Variants in SMIM3 observed in about 807,000 individuals in gnomAD.
SMIM3 encodes the protein small integral membrane protein 3.
SMIM3 carries 4 observed loss-of-function variants against 2.1 expected under a neutral mutation model. The ratio of observed to expected loss-of-function variants is 1.89; its 90% CI spans 0.93 to 4.31. The LOEUF (loss-of-function observed/expected upper bound fraction) is 4.31, where lower values mean the gene tolerates loss of function less well. Ranked by LOEUF, SMIM3 falls within the 30% of genes most tolerant of loss-of-function variation. SMIM3 has a pLI of 0.01. For synonymous variants in SMIM3, 29 were observed against 30.8 expected, an observed-to-expected ratio of 0.94 and a Z score of 0.19; for missense variants, 79 against 77.7, an observed-to-expected ratio of 1.02 and a Z score of -0.06.
intron 1 of SMIM3, among the ~76,000 whole-genome samples, chr5:150,782,874 T>G (rs1249453235): frequency 6.6e-6 from 1 of 152,296 alleles, no homozygotes; most frequent in African/African-American, 2.4e-5. Context: ...CTGTGATAGG[T>G]GCTGAGGACA....
Position 150,795,528 on chromosome 5 carries a change from A to G in SMIM3, c.88A>G (p.Thr30Ala). 1 of 1,612,462 alleles carries G rather than the reference A, an allele frequency of 6.2e-7. No homozygotes were observed. Among genetic ancestry groups the G allele is most frequent in the Non-Finnish European group, 8.5e-7 (1 of 1,179,762 alleles). Residue 30 changes from threonine to alanine, a missense_variant, in exon 2 of 2, where the codon ACC (threonine) becomes GCC (alanine). Transcript: ENST00000526627. ...GGTTATTGTCCTCATCATCCTGGCCACCATTGTCATCATGACCTCGTTGTT... is the reference window on the plus strand; with the variant it reads ...GGTTATTGTCCTCATCATCCTGGCCGCCATTGTCATCATGACCTCGTTGTT... ...IWVIVLIILA[T>A]IVIMTSLLLC...
At chr5:150,783,773 T>C (rs1366225296) in intron 1 of SMIM3, among the ~76,000 whole-genome samples, 5 of 152,098 alleles carry the variant, frequency 3.3e-5, no homozygotes, top group Non-Finnish European at 7.4e-5. Flanking sequence ...AGGGTGTAAG[T>C]TTCCGGTGGG....
intron 1 of SMIM3, among the ~76,000 whole-genome samples, chr5:150,793,029 C>T (rs561199846): frequency 1.7e-4 from 25 of 145,268 alleles, no homozygotes; most frequent in East Asian, 3.0e-4. Context: ...TTTCAATTTG[C>T]GTGTATTTTT....
rs757018297 is a variant in SMIM3 at position 150,795,440 on chromosome 5, C to T, written c.-1C>T. On this transcript the variant is annotated 5_prime_UTR_variant, in exon 2 of 2. Coordinates refer to ENST00000526627, the MANE Select transcript of SMIM3 (RefSeq NM_032947.5). The stretch of plus-strand genomic sequence containing the variant: ...TCTTGTCTGTTGCAGAGTGAAGCAA[C>T]ATGGATGCAGTCAGCCAAGTCCCCA... 17 of 1,613,884 alleles carry T rather than the reference C, an allele frequency of 1.1e-5. No individual in the cohort carries two copies. The highest frequency in any genetic ancestry group is 1.4e-5 in the Non-Finnish European group (16 of 1,179,890).
chr5:150,795,428 A>G lies in SMIM3; in HGVS notation c.-11-2A>G, dbSNP rs766443207. 3 of 1,613,698 alleles carry G rather than the reference A, an allele frequency of 1.9e-6. No homozygotes were observed. Among genetic ancestry groups the G allele is most frequent in the Non-Finnish European group, 2.5e-6 (3 of 1,179,742 alleles). ...GTGATCTTCCTTTCTTGTCTGTTGCAGAGTGAAGCAACATGGATGCAGTCA... is the reference window on the plus strand; with the variant it reads ...GTGATCTTCCTTTCTTGTCTGTTGCGGAGTGAAGCAACATGGATGCAGTCA... On this transcript the variant is annotated splice_acceptor_variant, in intron 1 of 1. Transcript: ENST00000526627. LOFTEE classifies it low-confidence loss of function (5UTR_SPLICE).
chr5:150,782,259 C>T (rs576034406), intron 1 of SMIM3, among the ~76,000 whole-genome samples: 1 of 152,254 alleles, frequency 6.6e-6, no homozygotes, highest in South Asian at 2.1e-4. Flanking sequence ...AATGACTGTG[C>T]TGGGTTGGTA....
rs572149534 is a variant in SMIM3 at position 150,790,083 on chromosome 5, A to G, written c.-11-5347A>G. ...TAGGGGCAGCGACACGATCAGATCT[A>G]TGTATTTGAATGATTATTCCCTTAA... On this transcript the variant is annotated intron_variant, in intron 1 of 1. Transcript: ENST00000526627. Among the ~76,000 whole-genome samples, 11 of 152,326 alleles carry G rather than the reference A, an allele frequency of 7.2e-5. No individual in the cohort carries two copies. In the South Asian group the frequency reaches 2.3e-3, roughly 32 times the overall value.
rs1012497771 is a variant in SMIM3 at position 150,796,437 on chromosome 5, C to A, written c.*814C>A. 2.6e-5 allele frequency: 4 copies of A among 152,278 alleles called. No homozygotes were observed. Among genetic ancestry groups the A allele is most frequent in the African/African-American group, 9.7e-5 (4 of 41,402 alleles). The allele number at this position is 152,278 out of a possible 1,614,324, so 9.4% of individuals were successfully genotyped here. ...AGCTCCACGTGTACCCCCTTCACTCCCTCCCACCAGCTCTGCAGCCAGCCT... is the reference window on the plus strand; with the variant it reads ...AGCTCCACGTGTACCCCCTTCACTCACTCCCACCAGCTCTGCAGCCAGCCT... On this transcript the variant is annotated 3_prime_UTR_variant, in exon 2 of 2. Transcript: ENST00000526627.
At chr5:150,787,588 T>A (rs1144651) in intron 1 of SMIM3, among the ~76,000 whole-genome samples, 1 of 152,136 alleles carries the variant, frequency 6.6e-6, no homozygotes, top group African/African-American at 2.4e-5. Flanking sequence ...GATTCCTGAG[T>A]ATGAATCCTG....
Position 150,795,628 on chromosome 5 carries a change from C to A in SMIM3, c.*5C>A. The A allele has an allele frequency of 3.9e-6, 6 of 1,541,872 alleles. No individual in the cohort carries two copies. The highest frequency in any genetic ancestry group is 4.4e-6 in the Non-Finnish European group (5 of 1,149,308). On this transcript the variant is annotated 3_prime_UTR_variant, in exon 2 of 2. Transcript: ENST00000526627. ...ATCCTTAGTGGGGCTGTTTGAGAGC[C>A]TCCCAAGAGGGCCGGGTGAGGGATG...
intron 1 of SMIM3, among the ~76,000 whole-genome samples, chr5:150,784,562 T>C (rs1391912279): frequency 6.6e-6 from 1 of 152,216 alleles, no homozygotes; most frequent in Non-Finnish European, 1.5e-5. Flanking sequence ...CACTTTACCT[T>C]TTTGGTATCT....
chr5:150,785,580 CTTTTTTTTTT>C lies in SMIM3; in HGVS notation c.-12+6619_-12+6628del, dbSNP rs35273478. 2.7e-3 allele frequency among the ~76,000 whole-genome samples: 310 copies of C among 113,740 alleles called. 1 individual carries two copies. Among genetic ancestry groups the C allele is most frequent in the East Asian group, 0.019 (80 of 4,116 alleles). The allele number at this position is 113,740 out of a possible 152,430, so 74.6% of individuals were successfully genotyped here. On this transcript the variant is annotated intron_variant, in intron 1 of 1. Transcript: ENST00000526627. Reference sequence around the variant, plus strand: ...TCAGCAGATTTACTATATTTCTTTTCTTTTTTTTTTTTTTTTTTTTGAAATGGAGTCTCAC... The same window carrying C: ...TCAGCAGATTTACTATATTTCTTTTCTTTTTTTTTTGAAATGGAGTCTCAC...
At chr5:150,789,653 G>A (rs958751963) in intron 1 of SMIM3, among the ~76,000 whole-genome samples, 2 of 152,164 alleles carry the variant, frequency 1.3e-5, no homozygotes, top group East Asian at 3.8e-4. Flanking sequence ...AAGTAAGCCC[G>A]CTGCACTGAG....
chr5:150,784,217 C>T (rs1438946235), intron 1 of SMIM3, among the ~76,000 whole-genome samples: 2 of 152,134 alleles, frequency 1.3e-5, no homozygotes, highest in Non-Finnish European at 2.9e-5. Flanking sequence ...TACTGTGTAC[C>T]AGACGTTGTC....
At chr5:150,786,665 GT>G (rs574716301) in intron 1 of SMIM3, among the ~76,000 whole-genome samples, 2,396 of 152,192 alleles carry the variant, frequency 0.016, 43 homozygotes, top group Non-Finnish European at 0.021. Context: ...CAAACTTGGA[GT>G]TTTTTCCTCC....
At chr5:150,783,802 G>A (rs868515183) in intron 1 of SMIM3, among the ~76,000 whole-genome samples, 1 of 151,888 alleles carries the variant, frequency 6.6e-6, no homozygotes, top group Non-Finnish European at 1.5e-5. Flanking sequence ...GCTGGGGACA[G>A]CTTAAAATTT....
intron 1 of SMIM3, among the ~76,000 whole-genome samples, chr5:150,788,082 T>TCA (rs1753311385): frequency 6.6e-6 from 1 of 152,224 alleles, no homozygotes; most frequent in South Asian, 2.1e-4. Context: ...ACAGGCTTGT[T>TCA]GCCTTGAATC....
chr5:150,795,876 T>C lies in SMIM3; in HGVS notation c.*253T>C. ...GGGATGTGAGAACCACCTGACTTAG[T>C]GGATGTGAAAGCTGTTTGTGATCAG... On this transcript the variant is annotated 3_prime_UTR_variant, in exon 2 of 2. Coordinates refer to ENST00000526627, the MANE Select transcript of SMIM3 (RefSeq NM_032947.5). 3.9e-6 allele frequency: 2 copies of C among 518,140 alleles called. No homozygotes were observed. The highest frequency in any genetic ancestry group is 4.5e-5 in the South Asian group (2 of 44,234). The allele number at this position is 518,140 out of a possible 1,614,324, so 32.1% of individuals were successfully genotyped here. A position where few individuals can be genotyped will look rare whatever the true frequency, so the allele number is the denominator to read the frequency against.
intron 1 of SMIM3, among the ~76,000 whole-genome samples, chr5:150,786,311 A>G (rs1413811259): frequency 1.3e-5 from 2 of 152,112 alleles, no homozygotes; most frequent in Admixed American, 6.5e-5. Context: ...TTTTCGAGAC[A>G]GGGTCTCACT....
Sources: gnomAD v4.1 joint callset for allele counts (sites outside exome capture counted in the v4.1 genomes callset) on GRCh38, gnomAD v4.1.1 for gene constraint, MANE v1.5 for transcripts, NCBI Gene and HGNC (gene_info 2026-07-23, HGNC 2026-07-21) for gene names.